NRXN3: variants seen among roughly 807,000 people sequenced by gnomAD.
The protein encoded by NRXN3 is neurexin III.
NRXN3 carries 32 observed loss-of-function variants against 137.6 expected under a neutral mutation model. That is an observed-to-expected ratio of 0.23 (90% CI 0.18 to 0.31). The LOEUF (loss-of-function observed/expected upper bound fraction) is 0.31, where lower values mean the gene tolerates loss of function less well. Among genes scored for constraint, NRXN3 ranks in the 10% least tolerant of loss-of-function variants. NRXN3 has a pLI of 1.00. For missense variants in NRXN3, 1,574 were observed against 2,062.5 expected (o/e 0.76, Z 4.59); for synonymous variants, 798 against 784.5 (o/e 1.02, Z -0.29).
At chr14:79,373,854 A>G (rs544141649) in intron 15 of NRXN3, among the ~76,000 whole-genome samples, 2 of 152,244 alleles carry the variant, frequency 1.3e-5, no homozygotes, top group East Asian at 3.9e-4. Context: ...CTTACTATCT[A>G]TGGTTTTTTT....
chr14:78,695,545 G>A (rs572307697), intron 6 of NRXN3: 4 of 152,112 alleles, frequency 2.6e-5, no homozygotes, highest in Admixed American at 2.0e-4. Context: ...GATGTATATG[G>A]CAACATTCCC....
intron 16 of NRXN3, among the ~76,000 whole-genome samples, chr14:79,518,968 A>G (rs932939076): frequency 1.8e-4 from 27 of 152,114 alleles, no homozygotes. Context: ...TTCTTTTTCT[A>G]TGCCACAGAA....
At chr14:79,784,422 C>CTTTA (rs1293727950) in intron 19 of NRXN3, among the ~76,000 whole-genome samples, 1 of 152,040 alleles carries the variant, frequency 6.6e-6, no homozygotes, top group Admixed American at 6.6e-5. Flanking sequence ...TGCATGTCTT[C>CTTTA]TTTATTTTTT....
intron 14 of NRXN3, among the ~76,000 whole-genome samples, chr14:78,986,485 T>C (rs2099505323): frequency 6.6e-6 from 1 of 152,008 alleles, no homozygotes. Flanking sequence ...AAGAGAGAGA[T>C]CATCAAAAAA....
chr14:78,680,080 A>T (rs955806354), intron 6 of NRXN3, among the ~76,000 whole-genome samples: 6 of 152,102 alleles, frequency 3.9e-5, no homozygotes, highest in African/African-American at 1.4e-4. Flanking sequence ...ATATATGCAT[A>T]TACATGGATG....
intron 15 of NRXN3, among the ~76,000 whole-genome samples, chr14:79,342,731 A>G (rs956547918): frequency 6.6e-6 from 1 of 152,204 alleles, no homozygotes; most frequent in African/African-American, 2.4e-5. Context: ...AATCTGGCTC[A>G]AATTGCTCCA....
At chr14:79,608,023 T>C (rs930444080) in intron 16 of NRXN3, among the ~76,000 whole-genome samples, 3 of 152,220 alleles carry the variant, frequency 2.0e-5, no homozygotes, top group African/African-American at 7.2e-5. Context: ...CCATAAAAAT[T>C]ATTTCCCTCA....
intron 19 of NRXN3, among the ~76,000 whole-genome samples, chr14:79,753,285 G>A (rs1349575190): frequency 6.6e-6 from 1 of 151,810 alleles, no homozygotes; most frequent in Admixed American, 6.6e-5. Context: ...GTTTATTGCG[G>A]CACTATTCAC....
intron 15 of NRXN3, among the ~76,000 whole-genome samples, chr14:79,199,132 G>A (rs555988981): frequency 7.5e-4 from 114 of 151,432 alleles, no homozygotes; most frequent in African/African-American, 2.4e-3. Flanking sequence ...GCGCCACTGC[G>A]CTCCAGCCTG....
chr14:78,529,184 T>A (rs2096425116), intron 4 of NRXN3, among the ~76,000 whole-genome samples: 1 of 152,152 alleles, frequency 6.6e-6, no homozygotes, highest in African/African-American at 2.4e-5. Context: ...ACTGTACAAG[T>A]CAGTTTAGCA....
intron 15 of NRXN3, among the ~76,000 whole-genome samples, chr14:79,236,905 C>A (rs12895355): frequency 0.15 from 23,090 of 151,820 alleles, 2,314 homozygotes; most frequent in Non-Finnish European, 0.21. Flanking sequence ...AGAGTAAGAC[C>A]CTCTCTAAAA....
At chr14:78,606,713 T>C (rs1178054183) in intron 4 of NRXN3, among the ~76,000 whole-genome samples, 3 of 152,172 alleles carry the variant, frequency 2.0e-5, no homozygotes, top group African/African-American at 4.8e-5. Context: ...AGGGCTTTCT[T>C]TCCCAGGAGA....
At chr14:79,834,680 G>A (rs1444287256) in intron 20 of NRXN3, among the ~76,000 whole-genome samples, 1 of 152,048 alleles carries the variant, frequency 6.6e-6, no homozygotes, top group Non-Finnish European at 1.5e-5. Context: ...TTGAAAATAA[G>A]TAAGTCAAAA....
At chr14:78,908,124 A>G (rs2099224369) in intron 10 of NRXN3, among the ~76,000 whole-genome samples, 1 of 152,040 alleles carries the variant, frequency 6.6e-6, no homozygotes, top group Non-Finnish European at 1.5e-5. Context: ...CTGTCTTTTG[A>G]TAAGAAATAA....
chr14:79,767,366 G>A (rs906889126), intron 19 of NRXN3, among the ~76,000 whole-genome samples: 1 of 152,126 alleles, frequency 6.6e-6, no homozygotes, highest in African/African-American at 2.4e-5. Context: ...GCCTATTAAT[G>A]TTCTTATTTC....
intron 4 of NRXN3, among the ~76,000 whole-genome samples, chr14:78,441,083 CA>C (rs542915240): frequency 6.6e-6 from 1 of 152,090 alleles, no homozygotes; most frequent in Non-Finnish European, 1.5e-5. Context: ...ATTCCACAGT[CA>C]GGGGCAGAAT....
At chr14:79,390,180 G>A (rs1158167504) in intron 15 of NRXN3, among the ~76,000 whole-genome samples, 7 of 152,108 alleles carry the variant, frequency 4.6e-5, no homozygotes, top group South Asian at 2.1e-4. Flanking sequence ...AGGCGGGCGC[G>A]GTGGCGGGCA....
intron 4 of NRXN3, among the ~76,000 whole-genome samples, chr14:78,382,351 G>C (rs1241221217): frequency 6.6e-6 from 1 of 152,194 alleles, no homozygotes; most frequent in Non-Finnish European, 1.5e-5. Context: ...TATAATAGCT[G>C]TGGGACATGA....
intron 16 of NRXN3, among the ~76,000 whole-genome samples, chr14:79,498,213 C>T (rs187272880): frequency 2.6e-5 from 4 of 152,176 alleles, no homozygotes; most frequent in Admixed American, 2.6e-4. Flanking sequence ...AAACATTAGT[C>T]ACTAATTCAT....
Sources: allele counts gnomAD v4.1 joint callset (sites outside exome capture counted in the v4.1 genomes callset), GRCh38; gene constraint gnomAD v4.1.1; transcripts MANE v1.5; gene names NCBI Gene and HGNC (gene_info 2026-07-23, HGNC 2026-07-21).